PBRM1: variants seen among roughly 807,000 people sequenced by gnomAD.
PBRM1 encodes polybromo 1, also known as protein polybromo-1.
In PBRM1, 27 loss-of-function variants were observed where a neutral mutation model predicts 194.5. That is an observed-to-expected ratio of 0.14 (90% CI 0.10 to 0.19). PBRM1 has a LOEUF of 0.19. PBRM1 is among the 10% of genes least tolerant of loss of function. The pLI, the probability that PBRM1 is intolerant of heterozygous loss-of-function variation, is 1.00. For missense variants in PBRM1, 1,466 were observed against 2,077.2 expected (o/e 0.71, Z 5.72); for synonymous variants, 655 against 693.2 (o/e 0.94, Z 0.87).
intron 2 of PBRM1, among the ~76,000 whole-genome samples, chr3:52,673,514 CA>C (rs1359720085): frequency 1.3e-5 from 2 of 148,260 alleles, no homozygotes; most frequent in African/African-American, 2.5e-5. Context: ...ACTAAAAGTA[CA>C]AAAAAAATTA....
chr3:52,592,728 A>G (rs2093209465), intron 17 of PBRM1, among the ~76,000 whole-genome samples: 1 of 152,196 alleles, frequency 6.6e-6, no homozygotes, highest in South Asian at 2.1e-4. Flanking sequence ...TTCAGTAGAA[A>G]TGGTACCAGC....
rs777316351 is a variant in PBRM1 at position 52,554,881 on chromosome 3, T to G, written c.4454-2A>C. 6.2e-7 allele frequency: 1 copy of G among 1,606,228 alleles called. No individual in the cohort carries two copies. Among genetic ancestry groups the G allele is most frequent in the South Asian group, 1.1e-5 (1 of 89,372 alleles). The stretch of plus-strand genomic sequence containing the variant: ...CTGGCGGATAGCCACCCATCATGCC[T>G]TGAAGGACACAACAAATTTCAGACA... On this transcript the variant is annotated splice_acceptor_variant, in intron 26 of 29. Coordinates refer to ENST00000296302, the Ensembl canonical transcript of PBRM1. LOFTEE classifies it high-confidence loss of function.
chr3:52,612,492 G>A (rs1317586899), intron 15 of PBRM1, among the ~76,000 whole-genome samples: 1 of 152,080 alleles, frequency 6.6e-6, no homozygotes, highest in South Asian at 2.1e-4. Flanking sequence ...TCACAAGGAA[G>A]CAAGCCTGTC....
chr3:52,632,137 A>G lies in PBRM1; in HGVS notation c.1301+2465T>C, dbSNP rs151024451. On this transcript the variant is annotated intron_variant, in intron 11 of 29. Coordinates refer to ENST00000296302, the Ensembl canonical transcript of PBRM1. ...TTGAGACCCTGCTGTTTTTACAGAAACAGAAACTAGGTCAGGATCTATTTA... is the reference window on the plus strand; with the variant it reads ...TTGAGACCCTGCTGTTTTTACAGAAGCAGAAACTAGGTCAGGATCTATTTA... 4.0e-3 allele frequency among the ~76,000 whole-genome samples: 613 copies of G among 152,266 alleles called. 3 individuals are homozygous for G. The highest frequency in any genetic ancestry group is 0.023 in the South Asian group (110 of 4,826).
At position 52,672,524 on chromosome 3, in the gene PBRM1, C is replaced by T. The variant is rs192571267; in HGVS notation, c.237-3879G>A. 4.3e-3 allele frequency among the ~76,000 whole-genome samples: 408 copies of T among 95,224 alleles called. 1 individual carries two copies. Among genetic ancestry groups the T allele is most frequent in the Middle Eastern group, 0.033 (3 of 90 alleles). The allele number at this position is 95,224 out of a possible 152,430, so 62.5% of individuals were successfully genotyped here. A position where few individuals can be genotyped will look rare whatever the true frequency, so the allele number is the denominator to read the frequency against. On this transcript the variant is annotated intron_variant, in intron 2 of 29. Transcript: ENST00000296302. Reference sequence around the variant, plus strand: ...TTTTTTTTTTTTTGAGTCAGAGTTTCACTCTTGTTGCCCAGGCTGGAGTGC... The same window carrying T: ...TTTTTTTTTTTTTGAGTCAGAGTTTTACTCTTGTTGCCCAGGCTGGAGTGC...
intron 11 of PBRM1, among the ~76,000 whole-genome samples, chr3:52,629,278 A>G (rs1395543463): frequency 6.6e-6 from 1 of 152,240 alleles, no homozygotes; most frequent in Non-Finnish European, 1.5e-5. Context: ...AAGAAATAAT[A>G]ATAAGACCTA....
intron 10 of PBRM1, among the ~76,000 whole-genome samples, chr3:52,641,446 C>CA (rs386396638): frequency 0.33 from 22,639 of 69,472 alleles, 3,576 homozygotes; most frequent in East Asian, 0.48. Context: ...GACTCCATCT[C>CA]AAAAAAAAAA....
intron 17 of PBRM1, among the ~76,000 whole-genome samples, chr3:52,596,501 A>G (rs565273866): frequency 2.8e-5 from 4 of 144,184 alleles, no homozygotes; most frequent in Non-Finnish European, 6.0e-5. Context: ...CTACAGGCCT[A>G]CTACCTGGCT....
intron 20 of PBRM1, chr3:52,585,446 T>C (rs1201697105): frequency 6.6e-6 from 1 of 152,232 alleles, no homozygotes; most frequent in African/African-American, 2.4e-5. Flanking sequence ...TAATTTGTAA[T>C]ATCCTAGACA....
exon 21 of PBRM1, chr3:52,579,126 T>C (rs1165848783): frequency 3.2e-5 from 51 of 1,613,954 alleles, no homozygotes; most frequent in Non-Finnish European, 4.3e-5. Context: ...CCACATGTCA[T>C]TGTAATGGAG....
chr3:52,636,757 CAAAAAAAAAAAAAAAAAA>C lies in PBRM1; in HGVS notation c.1088-1960_1088-1943del, dbSNP rs567776784. On this transcript the variant is annotated intron_variant, in intron 10 of 29. Transcript: ENST00000296302. ...GGGCAAAAGAGTGAAACTCTGTCTCCAAAAAAAAAAAAAAAAAAAAAAAAAAAAAGAATTTAATTAGGC... is the reference window on the plus strand; with the variant it reads ...GGGCAAAAGAGTGAAACTCTGTCTCCAAAAAAAAAAAGAATTTAATTAGGC... Among the ~76,000 whole-genome samples the C allele has an allele frequency of 8.0e-4, 15 of 18,682 alleles. 1 individual carries two copies. In the South Asian group the frequency reaches 0.015, roughly 18 times the overall value. 12.3% of individuals were successfully genotyped at this position (18,682 alleles called of 152,430 possible). A position where few individuals can be genotyped will look rare whatever the true frequency, so the allele number is the denominator to read the frequency against.
At chr3:52,642,110 G>C (rs1305596636) in intron 9 of PBRM1, 65 bp from the exon 11 acceptor site, 2 of 838,152 alleles carry the variant, frequency 2.4e-6, no homozygotes, top group Non-Finnish European at 4.0e-6. Flanking sequence ...ACTTTACAGG[G>C]AACAGGAACT....
intron 15 of PBRM1, among the ~76,000 whole-genome samples, chr3:52,612,524 G>A (rs2094691042): frequency 6.6e-6 from 1 of 152,132 alleles, no homozygotes; most frequent in Non-Finnish European, 1.5e-5. Flanking sequence ...TTGGGACACT[G>A]TACAGGAAAG....
rs2097089134 is a variant in PBRM1 at position 52,675,855 on chromosome 3, CCTG to C, written c.236+2642_236+2644del. Among the ~76,000 whole-genome samples, 3 of 45,754 alleles carry C rather than the reference CCTG, an allele frequency of 6.6e-5. 1 individual carries two copies. The highest frequency in any genetic ancestry group is 5.5e-4 in the Admixed American group (2 of 3,604). The allele number at this position is 45,754 out of a possible 152,430, so 30.0% of individuals were successfully genotyped here. A position where few individuals can be genotyped will look rare whatever the true frequency, so the allele number is the denominator to read the frequency against. On this transcript the variant is annotated intron_variant, in intron 2 of 29. Transcript: ENST00000296302. ...CGGGGGCCGGGCGCGGTGGCTCACG[CCTG>C]TAATCCCAGCACTTTGGGAGGCCGA...
intron 12 of PBRM1, among the ~76,000 whole-genome samples, chr3:52,627,975 CAG>C (rs969506248): frequency 6.6e-6 from 1 of 152,074 alleles, no homozygotes; most frequent in Non-Finnish European, 1.5e-5. Context: ...CTTCATTGTT[CAG>C]AGATTTGCCT....
chr3:52,564,019 C>T lies in PBRM1; in HGVS notation c.3875+31G>A, dbSNP rs774501727. ...ATGTTGCTATCAGTTAATGGAAGTG[C>T]TCTTTTTTCCTTAAGTTTTTCAAGC... On this transcript the variant is annotated intron_variant, in intron 23 of 29. Transcript: ENST00000296302. 3.3e-6 allele frequency: 5 copies of T among 1,499,588 alleles called. No individual in the cohort carries two copies. The African/African-American group carries it at 7.0e-5, about 21-fold the overall frequency. 92.9% of individuals were successfully genotyped at this position (1,499,588 alleles called of 1,614,324 possible).
intron 5 of PBRM1, among the ~76,000 whole-genome samples, chr3:52,653,597 A>G (rs2096551195): frequency 6.6e-6 from 1 of 150,550 alleles, no homozygotes; most frequent in South Asian, 2.1e-4. Flanking sequence ...CTCAAAAAAA[A>G]AAAAAAGAAA....
At chr3:52,624,550 A>G (rs2095382147) in intron 13 of PBRM1, among the ~76,000 whole-genome samples, 1 of 152,164 alleles carries the variant, frequency 6.6e-6, no homozygotes, top group Non-Finnish European at 1.5e-5. Flanking sequence ...TCAATCTGTA[A>G]AAGGCATCCC....
At chr3:52,578,350 C>A (rs1001638317) in intron 21 of PBRM1, among the ~76,000 whole-genome samples, 1 of 152,176 alleles carries the variant, frequency 6.6e-6, no homozygotes, top group Non-Finnish European at 1.5e-5. Flanking sequence ...ACTAATGTAT[C>A]CACAGAGCCT....
Sources: allele counts gnomAD v4.1 joint callset (sites outside exome capture counted in the v4.1 genomes callset), GRCh38; gene constraint gnomAD v4.1.1; transcripts MANE v1.5; gene names NCBI Gene and HGNC (gene_info 2026-07-23, HGNC 2026-07-21).